The following DGKG variants were observed in gnomAD, a reference collection of about 807,000 sequenced individuals.
DGKG encodes DAG kinase gamma.
In DGKG, 78 loss-of-function variants were observed where a neutral mutation model predicts 105.3. The observed-to-expected ratio is 0.74, with a 90% CI of 0.62 to 0.89. DGKG has a LOEUF of 0.89. DGKG is among the 40% of genes least tolerant of loss of function. The probability of loss-of-function intolerance (pLI) is 0.00; values close to 1 mark genes in which losing one functional copy is unlikely to be tolerated. For synonymous variants in DGKG, 346 were observed against 367.1 expected, an observed-to-expected ratio of 0.94 and a Z score of 0.66; for missense variants, 958 against 1,020.1, an observed-to-expected ratio of 0.94 and a Z score of 0.83.
intron 21 of DGKG, among the ~76,000 whole-genome samples, chr3:186,194,970 T>C (rs1009632347): frequency 2.6e-5 from 4 of 151,770 alleles, no homozygotes; most frequent in African/African-American, 4.8e-5. Flanking sequence ...CCGGGCGTGG[T>C]GGGGGACGCC....
At chr3:186,307,877 G>GT (rs1490221558) in intron 2 of DGKG, among the ~76,000 whole-genome samples, 1 of 100,462 alleles carries the variant, frequency 1.0e-5, no homozygotes, top group African/African-American at 3.4e-5. Context: ...TGACAACTCT[G>GT]TCCCTTTTTT....
At chr3:186,207,551 C>T in intron 21 of DGKG, 1 of 949,282 alleles carries the variant, frequency 1.1e-6, no homozygotes, top group Non-Finnish European at 1.3e-6. Flanking sequence ...AAACAAAAAG[C>T]CCTGAAAACT....
chr3:186,347,129 A>T (rs1002187701), intron 1 of DGKG, among the ~76,000 whole-genome samples: 2 of 151,982 alleles, frequency 1.3e-5, no homozygotes, highest in Non-Finnish European at 2.9e-5. Flanking sequence ...TTGGGTTTTG[A>T]CCAATGCGTG....
At chr3:186,152,889 C>T (rs1481632537) in intron 24 of DGKG, among the ~76,000 whole-genome samples, 1 of 151,658 alleles carries the variant, frequency 6.6e-6, no homozygotes, top group African/African-American at 2.4e-5. Flanking sequence ...GTCTCGATCT[C>T]CTGACCTCAT....
At chr3:186,176,613 C>T (rs1156576717) in intron 22 of DGKG, among the ~76,000 whole-genome samples, 1 of 152,144 alleles carries the variant, frequency 6.6e-6, no homozygotes, top group Non-Finnish European at 1.5e-5. Flanking sequence ...AGGATTTGGG[C>T]TCTAGTCCCA....
At chr3:186,334,699 G>C (rs1334408889) in intron 1 of DGKG, among the ~76,000 whole-genome samples, 1 of 152,156 alleles carries the variant, frequency 6.6e-6, no homozygotes, top group Non-Finnish European at 1.5e-5. Context: ...CTGTTAGGTG[G>C]ATACAAATAT....
chr3:186,286,199 G>A (rs1171737400), intron 6 of DGKG, among the ~76,000 whole-genome samples: 1 of 152,146 alleles, frequency 6.6e-6, no homozygotes, highest in African/African-American at 2.4e-5. Context: ...GTCCTTTAAA[G>A]GTAGGGTCAT....
intron 1 of DGKG, among the ~76,000 whole-genome samples, chr3:186,326,770 C>T (rs184525668): frequency 3.9e-5 from 6 of 152,368 alleles, no homozygotes; most frequent in Non-Finnish European, 7.3e-5. Context: ...TTCTTTCTCA[C>T]TCCCATCAGT....
At chr3:186,295,223 C>T (rs1317311653) in intron 5 of DGKG, among the ~76,000 whole-genome samples, 1 of 152,096 alleles carries the variant, frequency 6.6e-6, no homozygotes. Flanking sequence ...AAAATATAGG[C>T]TGGGCGGGGT....
chr3:186,311,844 C>A (rs1003019020), intron 2 of DGKG, among the ~76,000 whole-genome samples: 1 of 129,448 alleles, frequency 7.7e-6, no homozygotes, highest in South Asian at 2.2e-4. Context: ...AGGCCGGGCG[C>A]GGTGGCTCAC....
chr3:186,353,454 G>T (rs1341764643), intron 1 of DGKG, among the ~76,000 whole-genome samples: 2 of 151,656 alleles, frequency 1.3e-5, no homozygotes, highest in African/African-American at 4.9e-5. Context: ...GGGACGCAGA[G>T]GTTACAGTGA....
chr3:186,313,567 T>C, intron 2 of DGKG: 1 of 980,832 alleles, frequency 1.0e-6, no homozygotes, highest in African/African-American at 1.7e-5. Context: ...ACTAAAAGTG[T>C]GGTCCCTGGA....
chr3:186,197,930 C>T (rs1488110635), intron 21 of DGKG, among the ~76,000 whole-genome samples: 1 of 152,194 alleles, frequency 6.6e-6, no homozygotes, highest in Admixed American at 6.5e-5. Flanking sequence ...TCTGAATTTT[C>T]ACTGCCTTGT....
chr3:186,269,759 A>G (rs1722229889), intron 11 of DGKG, among the ~76,000 whole-genome samples: 1 of 152,188 alleles, frequency 6.6e-6, no homozygotes, highest in Admixed American at 6.5e-5. Context: ...TGCTTTTCAC[A>G]CCTGTTTCCT....
At chr3:186,235,156 T>C (rs1720355030) in intron 20 of DGKG, among the ~76,000 whole-genome samples, 1 of 152,206 alleles carries the variant, frequency 6.6e-6, no homozygotes, top group Admixed American at 6.5e-5. Context: ...ATTCAAGTAA[T>C]TAAGTCAGTT....
At chr3:186,227,073 G>A (rs1225514259) in intron 20 of DGKG, among the ~76,000 whole-genome samples, 1 of 152,130 alleles carries the variant, frequency 6.6e-6, no homozygotes, top group Non-Finnish European at 1.5e-5. Context: ...CCCTTTGGAG[G>A]AGCGTTTATA....
Position 186,279,841 on chromosome 3 carries a change from G to T in DGKG, c.792+10C>A. 6.2e-7 allele frequency: 1 copy of T among 1,611,986 alleles called. No homozygotes were observed. Among genetic ancestry groups the T allele is most frequent in the Non-Finnish European group, 8.5e-7 (1 of 1,179,238 alleles). On this transcript the variant is annotated intron_variant, in intron 9 of 24. Coordinates refer to ENST00000265022, the MANE Select transcript of DGKG (RefSeq NM_001346.3). ...GCAAGAGATCTCTGAACTCCAGCTT[G>T]TTGACTTACAGAGTCATCCATCCCC...
intron 20 of DGKG, among the ~76,000 whole-genome samples, chr3:186,217,621 A>T (rs1719359495): frequency 6.6e-6 from 1 of 152,222 alleles, no homozygotes; most frequent in Non-Finnish European, 1.5e-5. Context: ...ATGTTCTTTT[A>T]TGTTTGTCAG....
chr3:186,234,275 G>A (rs1369979869), intron 20 of DGKG, among the ~76,000 whole-genome samples: 3 of 152,142 alleles, frequency 2.0e-5, no homozygotes, highest in Admixed American at 6.5e-5. Context: ...CCTTTTGCTC[G>A]AAGACATCTA....
Sources: allele counts gnomAD v4.1 joint callset (sites outside exome capture counted in the v4.1 genomes callset), GRCh38; gene constraint gnomAD v4.1.1; transcripts MANE v1.5; gene names NCBI Gene and HGNC (gene_info 2026-07-23, HGNC 2026-07-21).